The following DENND1A variants were observed in gnomAD, a reference collection of about 807,000 sequenced individuals.
DENND1A encodes DENN domain-containing protein 1A.
Under a neutral mutation model 113.7 loss-of-function variants are expected in DENND1A, and 51 were observed. The observed-to-expected ratio is 0.45, with a 90% CI of 0.36 to 0.57. The LOEUF is 0.57. DENND1A is among the 20% of genes least tolerant of loss of function. The pLI, the probability that DENND1A is intolerant of heterozygous loss-of-function variation, is 0.00. For missense variants in DENND1A, 1,258 were observed against 1,395.9 expected (o/e 0.90, Z 1.57); for synonymous variants, 565 against 570.8 (o/e 0.99, Z 0.14).
At position 123,424,150 on chromosome 9, in the gene DENND1A, G is replaced by A. The variant is rs116975619; in HGVS notation, c.1489-12321C>T. On this transcript the variant is annotated intron_variant, in intron 19 of 23. Transcript: ENST00000394215. ...AGGGACAGTGAGGGTTGGGGGAGCT[G>A]TACCCTCTTTCCTCCAAGCAGGCTA... Among the ~76,000 whole-genome samples the A allele has an allele frequency of 6.9e-3, 1,048 of 152,252 alleles. 2 individuals are homozygous for A. Among genetic ancestry groups the A allele is most frequent in the Non-Finnish European group, 0.012 (783 of 67,996 alleles).
intron 12 of DENND1A, among the ~76,000 whole-genome samples, chr9:123,581,639 A>G (rs1412619312): frequency 1.3e-5 from 2 of 151,776 alleles, no homozygotes; most frequent in Non-Finnish European, 2.9e-5. Flanking sequence ...AAAAAAAAAG[A>G]AAGAAATTCT....
At chr9:123,543,429 C>A (rs1292326812) in intron 13 of DENND1A, among the ~76,000 whole-genome samples, 2 of 152,158 alleles carry the variant, frequency 1.3e-5, no homozygotes, top group Non-Finnish European at 2.9e-5. Flanking sequence ...TCTATGGGAT[C>A]AGAAAATATA....
At chr9:123,431,423 C>A (rs186748237) in intron 19 of DENND1A, among the ~76,000 whole-genome samples, 1 of 152,348 alleles carries the variant, frequency 6.6e-6, no homozygotes, top group East Asian at 1.9e-4. Context: ...AACAGTCTCA[C>A]TTGTGGTCCA....
At chr9:123,830,587 G>A (rs1001543878) in intron 2 of DENND1A, among the ~76,000 whole-genome samples, 9 of 152,038 alleles carry the variant, frequency 5.9e-5, no homozygotes, top group South Asian at 2.1e-4. Flanking sequence ...AAAGAGGGCC[G>A]GGCACAGTGG....
intron 13 of DENND1A, among the ~76,000 whole-genome samples, chr9:123,473,068 T>G (rs1245520505): frequency 6.6e-6 from 1 of 152,200 alleles, no homozygotes; most frequent in Non-Finnish European, 1.5e-5. Context: ...GGTCAGATCC[T>G]TACTAGATGG....
intron 9 of DENND1A, among the ~76,000 whole-genome samples, chr9:123,650,483 G>C (rs1437233312): frequency 6.6e-6 from 1 of 152,098 alleles, no homozygotes; most frequent in Non-Finnish European, 1.5e-5. Flanking sequence ...CTCTAACAGA[G>C]GGATGCCTAT....
At chr9:123,728,855 C>A (rs553911821) in intron 5 of DENND1A, among the ~76,000 whole-genome samples, 2 of 152,092 alleles carry the variant, frequency 1.3e-5, no homozygotes, top group Admixed American at 1.3e-4. Flanking sequence ...AACATCGATG[C>A]GAAAATCCTC....
chr9:123,654,307 T>C (rs766912377), intron 8 of DENND1A, among the ~76,000 whole-genome samples: 7 of 152,080 alleles, frequency 4.6e-5, no homozygotes, highest in African/African-American at 1.2e-4. Context: ...AAAATAGAAA[T>C]GAGGAGCTTA....
At chr9:123,437,660 G>A (rs1360171175) in intron 19 of DENND1A, 1 of 152,146 alleles carries the variant, frequency 6.6e-6, no homozygotes, top group Non-Finnish European at 1.5e-5. Context: ...CTTGTTTTGA[G>A]AGCTGGTGTG....
intron 10 of DENND1A, among the ~76,000 whole-genome samples, chr9:123,625,108 C>A (rs1008264634): frequency 6.6e-6 from 1 of 152,126 alleles, no homozygotes; most frequent in African/African-American, 2.4e-5. Context: ...ATATATACAT[C>A]CGATTTTTTG....
intron 12 of DENND1A, among the ~76,000 whole-genome samples, chr9:123,571,453 T>A (rs2058351491): frequency 6.6e-6 from 1 of 152,244 alleles, no homozygotes; most frequent in South Asian, 2.1e-4. Context: ...CCCTTGGCAG[T>A]CAGGCCCTGC....
chr9:123,439,497 C>A (rs2046773211), intron 19 of DENND1A, among the ~76,000 whole-genome samples: 1 of 152,108 alleles, frequency 6.6e-6, no homozygotes, highest in African/African-American at 2.4e-5. Flanking sequence ...GCTTCTAGGT[C>A]CTTTACATGT....
chr9:123,414,317 T>C (rs2044546811), intron 19 of DENND1A: 6 of 1,404,050 alleles, frequency 4.3e-6, no homozygotes, highest in Non-Finnish European at 5.5e-6. Flanking sequence ...TTAGCAACCA[T>C]TACCATCAGC....
At chr9:123,509,359 C>G (rs774427285) in intron 13 of DENND1A, among the ~76,000 whole-genome samples, 1 of 152,206 alleles carries the variant, frequency 6.6e-6, no homozygotes, top group African/African-American at 2.4e-5. Context: ...GGTCTGTCTT[C>G]TAAATTGCCA....
At chr9:123,905,051 T>C (rs565556186) in intron 1 of DENND1A, among the ~76,000 whole-genome samples, 1 of 152,142 alleles carries the variant, frequency 6.6e-6, no homozygotes, top group African/African-American at 2.4e-5. Context: ...GGGACCAATA[T>C]TCAACATTCT....
chr9:123,535,707 A>T (rs12349292), intron 13 of DENND1A, among the ~76,000 whole-genome samples: 24,660 of 152,206 alleles, frequency 0.16, 2,091 homozygotes, highest in Admixed American at 0.2. Context: ...GTTTCAGCTC[A>T]GATACCACCT....
At chr9:123,468,811 G>A (rs2049162912) in intron 13 of DENND1A, among the ~76,000 whole-genome samples, 1 of 152,270 alleles carries the variant, frequency 6.6e-6, no homozygotes, top group South Asian at 2.1e-4. Flanking sequence ...ACTGGCGTGA[G>A]TGTGAGGAGA....
intron 11 of DENND1A, among the ~76,000 whole-genome samples, chr9:123,586,530 C>G (rs2026745): frequency 1.3e-5 from 2 of 152,202 alleles, no homozygotes; most frequent in Non-Finnish European, 2.9e-5. Flanking sequence ...ATGCCCCGAG[C>G]ACCAGGCTCC....
intron 13 of DENND1A, among the ~76,000 whole-genome samples, chr9:123,467,044 T>A (rs148251604): frequency 4.6e-5 from 7 of 151,970 alleles, no homozygotes; most frequent in African/African-American, 1.4e-4. Context: ...GAGCAAGACG[T>A]CTCAGGAAAA....
Sources: allele counts gnomAD v4.1 joint callset (sites outside exome capture counted in the v4.1 genomes callset), GRCh38; gene constraint gnomAD v4.1.1; transcripts MANE v1.5; gene names NCBI Gene and HGNC (gene_info 2026-07-23, HGNC 2026-07-21).